The following MYH4 variants were observed in gnomAD, a reference collection of about 807,000 sequenced individuals.
The protein encoded by MYH4 is myosin heavy chain 4.
In MYH4, 200 loss-of-function variants were observed where a neutral mutation model predicts 229.9. The ratio of observed to expected loss-of-function variants is 0.87; its 90% CI spans 0.78 to 0.98. The LOEUF (loss-of-function observed/expected upper bound fraction) is 0.98. Among genes scored for constraint, MYH4 ranks in the 50% least tolerant of loss-of-function variants. MYH4 has a pLI of 0.00. For missense variants in MYH4, 2,148 were observed against 2,332.6 expected, an observed-to-expected ratio of 0.92 and a Z score of 1.63; for synonymous variants, 761 against 834.6, an observed-to-expected ratio of 0.91 and a Z score of 1.52.
rs779077824 is a variant in MYH4 at position 10,466,320 on chromosome 17, C to T, written c.301G>A (p.Ala101Thr). The T allele has an allele frequency of 2.7e-5, 43 of 1,614,074 alleles. No homozygotes were observed. Among genetic ancestry groups the T allele is most frequent in the Non-Finnish European group, 3.6e-5 (43 of 1,180,050 alleles). Residue 101 changes from alanine (A) to threonine (T), a missense_variant, in exon 4 of 40, where the codon GCT becomes ACT. Physicochemically the swap from Ala to Thr is moderately conservative, Grantham distance 58. Transcript: ENST00000255381. ...CGCTCTTTGAGGTTATACAGCACAG[C>T]AGGCTCATGCAGGTGAGTCATCATG... ...MAMMTHLHEP[A>T]VLYNLKERYA...
At position 10,453,814 on chromosome 17, in the gene MYH4, G is replaced by T; in HGVS notation, c.2763C>A (p.Ala921=). ...CTCTTTCAGTTACCTCTTTGATTTT[G>T]GCCTCAAGTTGGATTTTGGTTTTAA... ...QLIKTKIQLE[A]KIKEVTERAE... is the part of the protein sequence containing the mutation. The change falls in exon 23 of 40, where the codon GCC becomes GCA. Residue 921 remains alanine, a synonymous_variant. Coordinates refer to ENST00000255381, the MANE Select transcript of MYH4 (RefSeq NM_017533.2). 1.2e-6 allele frequency: 2 copies of T among 1,613,836 alleles called. No homozygotes were observed. Among genetic ancestry groups the T allele is most frequent in the Non-Finnish European group, 1.7e-6 (2 of 1,179,964 alleles).
In MYH4 at chr17:10,445,272, T is replaced by C; in HGVS notation, c.5260A>G (p.Asn1754Asp). The C allele has an allele frequency of 6.2e-7, 1 of 1,614,164 alleles. No individual in the cohort carries two copies. The highest frequency in any genetic ancestry group is 1.3e-5 in the African/African-American group (1 of 75,056). The change falls in exon 36 of 40, where the codon AAT (asparagine) becomes GAT (aspartate). Residue 1754 changes from asparagine to aspartate, a missense_variant. Coordinates refer to ENST00000255381, the MANE Select transcript of MYH4 (RefSeq NM_017533.2). ...EMEDIVQEAR[N>D]AEEKAKKAIT... ...GCCTTCTTGGCCTTCTCCTCTGCATTGCGGGCTTCCTGGACGATGTCCTCC... is the reference window on the plus strand; with the variant it reads ...GCCTTCTTGGCCTTCTCCTCTGCATCGCGGGCTTCCTGGACGATGTCCTCC...
rs767344958 is a variant in MYH4, at chr17:10,465,566, G to C, written c.381C>G (p.Asn127Lys). The stretch of plus-strand genomic sequence containing the variant: ...TGTACACCGGCAGCCACTTGTAGGG[G>C]TTGACGGTGACACAGAAGAGGCCCG... ...TYSGLFCVTV[N>K]PYKWLPVYNP... Residue 127 changes from asparagine to lysine, a missense_variant, in exon 5 of 40, where the codon AAC becomes AAG. By Grantham distance (94) the Asn-to-Lys change is moderately conservative. Transcript: ENST00000255381. 21 of 1,614,024 alleles carry C rather than the reference G, an allele frequency of 1.3e-5. 1 individual carries two copies. The South Asian group carries it at 2.2e-4, about 17-fold the overall frequency.
intron 4 of MYH4, 140 bp downstream of exon 4, chr17:10,466,133 T>A (rs1291194119): frequency 4.7e-6 from 5 of 1,064,514 alleles, no homozygotes; most frequent in Non-Finnish European, 6.8e-6. Context: ...TTAAAACATA[T>A]CAGAGTTTAC....
Position 10,453,131 on chromosome 17 carries a change from C to T in MYH4, c.3111+21G>A, listed in dbSNP as rs1286726061. Reference sequence around the variant, plus strand: ...TTGTTTATTTCATTGCAAGGGGAAACATTTTCTTTTTCACACTTACATCGT... The same window carrying T: ...TTGTTTATTTCATTGCAAGGGGAAATATTTTCTTTTTCACACTTACATCGT... On this transcript the variant is annotated intron_variant, in intron 24 of 39. Transcript: ENST00000255381. 6 of 1,613,748 alleles carry T rather than the reference C, an allele frequency of 3.7e-6. No homozygotes were observed. In the East Asian group the frequency reaches 1.3e-4, roughly 36 times the overall value.
chr17:10,448,519 C>T lies in MYH4; in HGVS notation c.4533G>A (p.Gln1511=), dbSNP rs773693536. ...TLKRENKNLQ[Q]EISDLTEQIA... ...TTTGCTCTGTCAGGTCAGAAATCTC[C>T]TCTGTAATAATAAAGTACCAAATTT... Residue 1511 remains glutamine, a splice_region_variant and synonymous_variant, in exon 33 of 40, where the codon CAG becomes CAA. Coordinates refer to ENST00000255381, the MANE Select transcript of MYH4 (RefSeq NM_017533.2). 1 of 1,612,918 alleles carries T rather than the reference C, an allele frequency of 6.2e-7. No individual in the cohort carries two copies. The highest frequency in any genetic ancestry group is 8.5e-7 in the Non-Finnish European group (1 of 1,179,724).
intron 15 of MYH4, among the ~76,000 whole-genome samples, chr17:10,459,009 G>A (rs150864063): frequency 6.6e-6 from 1 of 152,154 alleles, no homozygotes; most frequent in South Asian, 2.1e-4. Context: ...AAAAGTGAGG[G>A]AGAATTAAGT....
At chr17:10,458,664 G>A (rs2072667416) in intron 15 of MYH4, among the ~76,000 whole-genome samples, 2 of 152,112 alleles carry the variant, frequency 1.3e-5, no homozygotes, top group African/African-American at 2.4e-5. Context: ...TTTAACGATT[G>A]CTTGATGAGT....
rs1376323418 is a variant in MYH4, at chr17:10,444,589, T to C, written c.5667+15A>G. 1 of 1,607,016 alleles carries C rather than the reference T, an allele frequency of 6.2e-7. No individual in the cohort carries two copies. Among genetic ancestry groups the C allele is most frequent in the Admixed American group, 1.7e-5 (1 of 59,756 alleles). The stretch of plus-strand genomic sequence containing the variant: ...GTGCATCTGAACCTTTCATTTCCAC[T>C]GTGGAGATACTCACAGCCTCTTCAG... On this transcript the variant is annotated intron_variant, in intron 39 of 39. Coordinates refer to ENST00000255381, the MANE Select transcript of MYH4 (RefSeq NM_017533.2).
Position 10,464,569 on chromosome 17 carries a change from C to G in MYH4, c.551G>C (p.Gly184Ala). The G allele has an allele frequency of 6.2e-7, 1 of 1,614,030 alleles. No homozygotes were observed. Among genetic ancestry groups the G allele is most frequent in the East Asian group, 2.2e-5 (1 of 44,874 alleles). The change falls in exon 7 of 40, where the codon GGG becomes GCG. Residue 184 changes from glycine to alanine, a missense_variant. Physicochemically the swap from Gly to Ala is moderately conservative, Grantham distance 60 (BLOSUM62 0). Transcript: ENST00000255381. ...GACACGCTTCGTGTTCACAGTCTTC[C>G]CTGCACCAGATTCTCCACTATCAAG... ...SILITGESGA[G>A]KTVNTKRVIQ...
At chr17:10,449,393 A>G (rs2072548042) in intron 30 of MYH4, among the ~76,000 whole-genome samples, 1 of 152,100 alleles carries the variant, frequency 6.6e-6, no homozygotes, top group Admixed American at 6.6e-5. Context: ...AGTGTGGCAC[A>G]TTTTCTTGAA....
rs753572719 is a variant in MYH4 at position 10,455,864 on chromosome 17, G to A, written c.2006C>T (p.Thr669Ile). ...GATGCACCGCACAAAGTGGGGGTGA[G>A]TGCTCCTCAAGTTGGTCATCAGCTT... ...LNKLMTNLRS[T>I]HPHFVRCIIP... Residue 669 changes from threonine to isoleucine, a missense_variant, in exon 18 of 40, where the codon ACT becomes ATT. Transcript: ENST00000255381. 6 of 1,614,104 alleles carry A rather than the reference G, an allele frequency of 3.7e-6. No homozygotes were observed. The highest frequency in any genetic ancestry group is 1.6e-4 in the Middle Eastern group (1 of 6,084).
chr17:10,457,612 G>C lies in MYH4; in HGVS notation c.1705C>G (p.Pro569Ala), dbSNP rs1207276652. Residue 569 changes from proline to alanine, a missense_variant, in exon 16 of 40, where the codon CCC (proline) becomes GCC (alanine). Coordinates refer to ENST00000255381, the MANE Select transcript of MYH4 (RefSeq NM_017533.2). ...HLGKSNNFQK[P>A]KPAKGKPEAH... ...TCAGGCTTGCCTTTGGCAGGCTTGG[G>C]CTTCTGGAAGTTGTTGGATTTTCCA... is the stretch of plus-strand genomic sequence containing the variant. 1.2e-6 allele frequency: 2 copies of C among 1,614,216 alleles called. No homozygotes were observed. Among genetic ancestry groups the C allele is most frequent in the Non-Finnish European group, 1.7e-6 (2 of 1,180,040 alleles).
chr17:10,452,021 T>G lies in MYH4; in HGVS notation c.3658A>C (p.Lys1220Gln). The G allele has an allele frequency of 1.2e-6, 2 of 1,613,870 alleles. No homozygotes were observed. The highest frequency in any genetic ancestry group is 1.7e-6 in the Non-Finnish European group (2 of 1,179,882). ...AGCTCACTCTTTTCCTTCTCCAGCT[T>G]CTGCTTGACCCGCTGAAGGCTGTCA... ...QIDSLQRVKQ[K>Q]LEKEKSELKM... is the part of the protein sequence containing the mutation. Residue 1220 changes from lysine (K) to glutamine (Q), a missense_variant, in exon 27 of 40, where the codon AAG becomes CAG. Coordinates refer to ENST00000255381, the MANE Select transcript of MYH4 (RefSeq NM_017533.2).
intron 7 of MYH4, 27 bp downstream of exon 7, chr17:10,464,445 C>G (rs1406710351): frequency 1.9e-6 from 3 of 1,585,964 alleles, no homozygotes; most frequent in Non-Finnish European, 2.6e-6. Flanking sequence ...ATCTGTTATT[C>G]TGTCCTTAGA....
intron 19 of MYH4, 148 bp downstream of exon 19, chr17:10,455,466 G>A: frequency 7.7e-7 from 1 of 1,303,766 alleles, no homozygotes; most frequent in African/African-American, 1.5e-5. Flanking sequence ...AAAAACTTAT[G>A]ATAATATAAA....
In MYH4 at chr17:10,465,454, A is replaced by G. The variant is rs200702064; in HGVS notation, c.493T>C (p.Phe165Leu). The change falls in exon 5 of 40, where the codon TTC becomes CTC. Residue 165 changes from phenylalanine to leucine, a missense_variant. Transcript: ENST00000255381. ...IFSISDNAYQ[F>L]MLTDRENQSI... Reference sequence around the variant, plus strand: ...AATTCTCACTCACCAGTTAGCATGAACTGATAGGCATTGTCAGAGATGGAG... The same window carrying G: ...AATTCTCACTCACCAGTTAGCATGAGCTGATAGGCATTGTCAGAGATGGAG... The G allele has an allele frequency of 2.8e-5, 45 of 1,613,884 alleles. No homozygotes were observed. The East Asian group carries it at 5.3e-4, about 19-fold the overall frequency.
Position 10,453,278 on chromosome 17 carries a change from C to T in MYH4, c.2985G>A (p.Lys995=), listed in dbSNP as rs1439942120. 1.2e-6 allele frequency: 2 copies of T among 1,613,898 alleles called. No homozygotes were observed. Among genetic ancestry groups the T allele is most frequent in the South Asian group, 2.2e-5 (2 of 91,090 alleles). ...GGAGAGCCTTCTTCTCCTTGGTCAG[C>T]TTAGCAATGGTTTCATCCAGACCTG... The part of the protein sequence containing the change: ...EMAGLDETIA[K]LTKEKKALQE... Residue 995 remains lysine (K), a synonymous_variant, in exon 24 of 40, where the codon AAG becomes AAA. Coordinates refer to ENST00000255381, the MANE Select transcript of MYH4 (RefSeq NM_017533.2).
At position 10,463,384 on chromosome 17, in the gene MYH4, G is replaced by T; in HGVS notation, c.759C>A (p.Ile253=). The T allele has an allele frequency of 6.2e-7, 1 of 1,612,728 alleles. No homozygotes were observed. Among genetic ancestry groups the T allele is most frequent in the Non-Finnish European group, 8.5e-7 (1 of 1,179,386 alleles). The part of the protein sequence containing the change: ...NSSRFGKFIR[I]HFGATGKLAS... ...CCAGTTTGCCTGTGGCACCAAAATG[G>T]ATCCTGATGAATTTACCCTTAAAAA... The change falls in exon 9 of 40, where the codon ATC becomes ATA. Residue 253 remains isoleucine, a synonymous_variant. Transcript: ENST00000255381.
Sources: gnomAD v4.1 joint callset for allele counts (sites outside exome capture counted in the v4.1 genomes callset) on GRCh38, gnomAD v4.1.1 for gene constraint, MANE v1.5 for transcripts, NCBI Gene and HGNC (gene_info 2026-07-23, HGNC 2026-07-21) for gene names.